Variants in PDCD4 observed in about 807,000 individuals in gnomAD.
PDCD4 encodes programmed cell death protein 4.
A neutral mutation model predicts 54.0 loss-of-function variants in PDCD4; 56 were observed. The ratio of observed to expected loss-of-function variants is 1.04; its 90% CI spans 0.84 to 1.30. PDCD4 has a LOEUF of 1.30. PDCD4 is among the 50% of genes most tolerant of loss of function. The pLI, the probability that PDCD4 is intolerant of heterozygous loss-of-function variation, is 0.00. For synonymous variants in PDCD4, 186 were observed against 194.8 expected (o/e 0.95, Z 0.37); for missense variants, 584 against 559.8 (o/e 1.04, Z -0.44).
chr10:110,876,160 T>C (rs1845501173), intron 2 of PDCD4, 90 bp downstream of exon 2: 1 of 994,818 alleles, frequency 1.0e-6, no homozygotes, highest in African/African-American at 1.7e-5. Context: ...GGTGTGATCA[T>C]GGCTCACTGC....
At chr10:110,874,809 G>A (rs1845476879) in intron 1 of PDCD4, among the ~76,000 whole-genome samples, 1 of 152,096 alleles carries the variant, frequency 6.6e-6, no homozygotes, top group South Asian at 2.1e-4. Flanking sequence ...GAATTTAAAA[G>A]TCAGTTTCAC....
rs373862908 is a variant in PDCD4, at chr10:110,898,245, A to C, written c.*157A>C. The C allele has an allele frequency of 2.6e-5, 11 of 421,466 alleles. No individual in the cohort carries two copies. The highest frequency in any genetic ancestry group is 2.0e-4 in the African/African-American group (10 of 48,798). The allele number at this position is 421,466 out of a possible 1,614,324, so 26.1% of individuals were successfully genotyped here. On this transcript the variant is annotated 3_prime_UTR_variant, in exon 12 of 12. Coordinates refer to ENST00000280154, the MANE Select transcript of PDCD4 (RefSeq NM_014456.5). Reference sequence around the variant, plus strand: ...AACCTACATTTAAGGGGAATTTTTAAAGGAAATGTTTTTTCTTTTTTTTTT... The same window carrying C: ...AACCTACATTTAAGGGGAATTTTTACAGGAAATGTTTTTTCTTTTTTTTTT...
At chr10:110,883,187 C>T in intron 4 of PDCD4, 90 bp downstream of exon 4, 1 of 801,182 alleles carries the variant, frequency 1.2e-6, no homozygotes, top group Non-Finnish European at 2.0e-6. Context: ...TGTGTCAAAT[C>T]ATATGTATAA....
Position 110,876,040 on chromosome 10 carries a change from A to G in PDCD4, c.13A>G (p.Asn5Asp), listed in dbSNP as rs1042791585. ...AAATTAAGGGAAAATGGATGTAGAA[A>G]ATGAGCAGATACTGAATGTAAACCC... MDVENEQILNVNPAD... is the reference protein window; with the variant it reads MDVEDEQILNVNPAD... The change falls in exon 2 of 12, where the codon AAT becomes GAT. Residue 5 changes from asparagine (N) to aspartate (D), a missense_variant. By Grantham distance (23) the Asn-to-Asp change is conservative (BLOSUM62 1). Coordinates refer to ENST00000280154, the MANE Select transcript of PDCD4 (RefSeq NM_014456.5). The G allele has an allele frequency of 2.5e-6, 4 of 1,610,854 alleles. No homozygotes were observed. In the South Asian group the frequency reaches 3.3e-5, roughly 13 times the overall value.
chr10:110,882,969 G>A (rs370640293), intron 3 of PDCD4, 34 bp from the exon 4 acceptor site: 21 of 1,229,800 alleles, frequency 1.7e-5, no homozygotes, highest in Admixed American at 7.2e-5. Context: ...GATGAATTTT[G>A]TGTTTTTTCT....
intron 5 of PDCD4, among the ~76,000 whole-genome samples, chr10:110,887,243 A>G (rs553019092): frequency 6.6e-6 from 1 of 152,258 alleles, no homozygotes; most frequent in Non-Finnish European, 1.5e-5. Flanking sequence ...GTAACATACT[A>G]TACAGGTTTG....
intron 2 of PDCD4, among the ~76,000 whole-genome samples, chr10:110,878,348 T>A (rs926763756): frequency 2.6e-5 from 4 of 152,174 alleles, no homozygotes; most frequent in African/African-American, 7.2e-5. Context: ...AAAACTCGAT[T>A]ATGGGAAATA....
rs369056273 is a variant in PDCD4 at position 110,898,064 on chromosome 10, T to G, written c.1386T>G (p.Gly462=). 1.1e-5 allele frequency: 18 copies of G among 1,591,230 alleles called. No individual in the cohort carries two copies. In the African/African-American group the frequency reaches 1.3e-4, roughly 12 times the overall value. Residue 462 remains glycine (G), a synonymous_variant, in exon 12 of 12, where the codon GGT becomes GGG. Transcript: ENST00000280154. ...RKRFVSEGDG[G]RLKPESY is the part of the protein sequence containing the mutation. ...GTTTTGTAAGCGAAGGAGATGGAGG[T>G]CGTCTTAAACCAGAGAGCTACTGAA... is the stretch of plus-strand genomic sequence containing the variant.
rs1564683102 is a variant in PDCD4, at chr10:110,887,760, G to T, written c.651G>T (p.Glu217Asp). Residue 217 changes from glutamate to aspartate, a missense_variant, in exon 6 of 12, where the codon GAG becomes GAT. Physicochemically the swap from Glu to Asp is conservative, Grantham distance 45. Coordinates refer to ENST00000280154, the MANE Select transcript of PDCD4 (RefSeq NM_014456.5). Reference sequence around the variant, plus strand: ...TGGAGGGGAAGGCTAGTCATAGAGAGATGACATCTAAGCTTCTTTCTGACC... The same window carrying T: ...TGGAGGGGAAGGCTAGTCATAGAGATATGACATCTAAGCTTCTTTCTGACC... ...LALEGKASHR[E>D]MTSKLLSDLC... 1 of 1,612,800 alleles carries T rather than the reference G, an allele frequency of 6.2e-7. No individual in the cohort carries two copies. The highest frequency in any genetic ancestry group is 1.7e-4 in the Middle Eastern group (1 of 6,054).
chr10:110,883,373 ATCT>A, intron 4 of PDCD4, among the ~76,000 whole-genome samples: 1 of 152,184 alleles, frequency 6.6e-6, no homozygotes, highest in African/African-American at 2.4e-5. Flanking sequence ...AATTGAGAAT[ATCT>A]TCTTTTGAAT....
chr10:110,894,884 A>G (rs1401233437), intron 10 of PDCD4, among the ~76,000 whole-genome samples: 1 of 151,760 alleles, frequency 6.6e-6, no homozygotes, highest in East Asian at 1.9e-4. Flanking sequence ...AAATTTTATG[A>G]TTATTGTTTT....
chr10:110,890,466 G>T, intron 7 of PDCD4, 90 bp from the exon 8 acceptor site: 1 of 548,356 alleles, frequency 1.8e-6, no homozygotes, highest in Non-Finnish European at 3.2e-6. Flanking sequence ...AAAGATTTAG[G>T]GCATATAGGA....
chr10:110,879,138 T>C (rs1364260052), intron 2 of PDCD4, among the ~76,000 whole-genome samples: 7 of 152,224 alleles, frequency 4.6e-5, no homozygotes, highest in Admixed American at 4.6e-4. Flanking sequence ...CTACCCTTGC[T>C]CTTTACCAGT....
At position 110,881,084 on chromosome 10, in the gene PDCD4, A is replaced by G. The variant is rs938900774; in HGVS notation, c.44-149A>G. 3 of 598,932 alleles carry G rather than the reference A, an allele frequency of 5.0e-6. No individual in the cohort carries two copies. In the African/African-American group the frequency reaches 5.6e-5, roughly 11 times the overall value. 37.1% of individuals were successfully genotyped at this position (598,932 alleles called of 1,614,324 possible). On this transcript the variant is annotated intron_variant, in intron 2 of 11. Coordinates refer to ENST00000280154, the MANE Select transcript of PDCD4 (RefSeq NM_014456.5). ...TCTTATTTAGTTGTTTATTAGATTG[A>G]AGTAGATGAAATTCCCAATATGTGA...
intron 6 of PDCD4, among the ~76,000 whole-genome samples, chr10:110,888,637 T>G (rs1564683548): frequency 6.6e-6 from 1 of 152,176 alleles, no homozygotes; most frequent in African/African-American, 2.4e-5. Context: ...ATGGCTTCTA[T>G]AAATCCTTAA....
intron 1 of PDCD4, among the ~76,000 whole-genome samples, chr10:110,872,546 T>G (rs896164468): frequency 6.6e-6 from 1 of 152,080 alleles, no homozygotes; most frequent in African/African-American, 2.4e-5. Context: ...CCCAGCCCCT[T>G]CCGGGGGCCG....
At chr10:110,877,097 T>A (rs555010413) in intron 2 of PDCD4, among the ~76,000 whole-genome samples, 1 of 152,282 alleles carries the variant, frequency 6.6e-6, no homozygotes, top group Admixed American at 6.5e-5. Context: ...TTGAAAAAAA[T>A]TTATGTAATT....
intron 8 of PDCD4, among the ~76,000 whole-genome samples, chr10:110,891,231 C>A (rs1004091122): frequency 6.6e-6 from 1 of 151,656 alleles, no homozygotes; most frequent in Non-Finnish European, 1.5e-5. Context: ...ATGGTGAAAC[C>A]CCGTTTCTAC....
At chr10:110,896,195 ACT>A (rs1403505698) in intron 11 of PDCD4, 108 bp downstream of exon 11, 3 of 800,144 alleles carry the variant, frequency 3.7e-6, no homozygotes, top group Non-Finnish European at 5.9e-6. Context: ...GAAGAACGTG[ACT>A]CTTGTGAGTT....
Sources: gnomAD v4.1 joint callset for allele counts (sites outside exome capture counted in the v4.1 genomes callset) on GRCh38, gnomAD v4.1.1 for gene constraint, MANE v1.5 for transcripts, NCBI Gene and HGNC (gene_info 2026-07-23, HGNC 2026-07-21) for gene names.